STAB2: variants seen among roughly 807,000 people sequenced by gnomAD.
STAB2 encodes the protein stabilin-2.
Under a neutral mutation model 338.1 loss-of-function variants are expected in STAB2, and 288 were observed. That is an observed-to-expected ratio of 0.85 (90% CI 0.77 to 0.94). The LOEUF is 0.94. Ranked by LOEUF, STAB2 falls within the 40% of genes least tolerant of loss-of-function variation. The pLI is 0.00. For synonymous variants in STAB2, 1,202 were observed against 1,193.3 expected, an observed-to-expected ratio of 1.01 and a Z score of -0.15; for missense variants, 3,141 against 3,210.1, an observed-to-expected ratio of 0.98 and a Z score of 0.52.
At chr12:103,674,931 T>C (rs1249832179) in intron 23 of STAB2, among the ~76,000 whole-genome samples, 1 of 152,202 alleles carries the variant, frequency 6.6e-6, no homozygotes, top group Admixed American at 6.5e-5. Flanking sequence ...TCTATATCGG[T>C]GCATAAGGCA....
chr12:103,673,203 T>A (rs1459077486), intron 22 of STAB2, among the ~76,000 whole-genome samples: 1 of 152,192 alleles, frequency 6.6e-6, no homozygotes, highest in East Asian at 1.9e-4. Flanking sequence ...AATATCTTCA[T>A]GAAAGGTGAG....
At chr12:103,606,520 T>A (rs1957029900) in intron 3 of STAB2, among the ~76,000 whole-genome samples, 1 of 152,212 alleles carries the variant, frequency 6.6e-6, no homozygotes, top group Non-Finnish European at 1.5e-5. Flanking sequence ...ACACTTCTTG[T>A]AGTGCAGGAT....
chr12:103,664,034 A>C (rs1874854574), intron 18 of STAB2, among the ~76,000 whole-genome samples: 1 of 152,154 alleles, frequency 6.6e-6, no homozygotes. Flanking sequence ...CTTTTCAAAA[A>C]ACCAAACTTT....
At chr12:103,679,144 G>A (rs1049760610) in intron 25 of STAB2, among the ~76,000 whole-genome samples, 1 of 152,100 alleles carries the variant, frequency 6.6e-6, no homozygotes, top group African/African-American at 2.4e-5. Context: ...GGGAGGCCAA[G>A]GCAGGAGGAT....
chr12:103,645,348 T>C (rs953489497), intron 9 of STAB2, among the ~76,000 whole-genome samples: 2 of 152,254 alleles, frequency 1.3e-5, no homozygotes, highest in Non-Finnish European at 2.9e-5. Flanking sequence ...AAAATAGTGA[T>C]GTCTCATGCA....
chr12:103,755,465 A>C lies in STAB2; in HGVS notation c.6878A>C (p.Lys2293Thr). 3 of 1,613,816 alleles carry C rather than the reference A, an allele frequency of 1.9e-6. No individual in the cohort carries two copies. Among genetic ancestry groups the C allele is most frequent in the Non-Finnish European group, 2.5e-6 (3 of 1,179,832 alleles). The change falls in exon 62 of 69, where the codon AAA becomes ACA. Residue 2293 changes from lysine (K) to threonine (T), a missense_variant and splice_region_variant. Physicochemically the swap from Lys to Thr is moderately conservative, Grantham distance 78. Transcript: ENST00000388887. The stretch of plus-strand genomic sequence containing the variant: ...TGGGATGTCTTCTGCTATCGGATGA[A>C]AGGTAACCGCCCCAGCTACACTTCA... The part of the protein sequence containing the change: ...EMWDVFCYRM[K>T]DVNCTCKVGY...
In STAB2 at chr12:103,739,411, G is replaced by A. The variant is rs1371410371; in HGVS notation, c.5698-1G>A. 1 of 1,586,318 alleles carries A rather than the reference G, an allele frequency of 6.3e-7. No individual in the cohort carries two copies. Among genetic ancestry groups the A allele is most frequent in the East Asian group, 2.3e-5 (1 of 43,312 alleles). On this transcript the variant is annotated splice_acceptor_variant, in intron 53 of 68. Transcript: ENST00000388887. LOFTEE classifies it high-confidence loss of function. The stretch of plus-strand genomic sequence containing the variant: ...CAAGTGTTTCTTTTCTTGCATACTA[G>A]GGGGAGTGTGGGAGCTGTGTCAATA...
At chr12:103,660,024 A>G (rs937461027) in intron 15 of STAB2, among the ~76,000 whole-genome samples, 7 of 152,162 alleles carry the variant, frequency 4.6e-5, no homozygotes, top group Admixed American at 1.3e-4. Context: ...TAGTTTTTTG[A>G]CCTTGGACAT....
intron 61 of STAB2, among the ~76,000 whole-genome samples, chr12:103,754,071 T>C (rs1435066178): frequency 3.3e-5 from 5 of 152,156 alleles, no homozygotes; most frequent in Non-Finnish European, 7.3e-5. Context: ...AGGAGATGAA[T>C]GCCTAGTACG....
intron 60 of STAB2, among the ~76,000 whole-genome samples, chr12:103,752,102 C>T (rs1384375727): frequency 1.3e-5 from 2 of 152,118 alleles, no homozygotes; most frequent in African/African-American, 4.8e-5. Context: ...TTCCAGGACC[C>T]CATCCTACAG....
chr12:103,690,088 G>T, intron 29 of STAB2, 106 bp downstream of exon 29: 1 of 1,464,900 alleles, frequency 6.8e-7, no homozygotes, highest in East Asian at 2.3e-5. Flanking sequence ...AATTCGTGGA[G>T]CTGAACATGT....
intron 3 of STAB2, among the ~76,000 whole-genome samples, chr12:103,619,756 GC>G (rs972877806): frequency 4.3e-5 from 5 of 115,602 alleles, no homozygotes; most frequent in African/African-American, 1.1e-4. Context: ...AACGCCCCCC[GC>G]CCCCGCCACC....
chr12:103,758,707 A>C (rs143911941), intron 64 of STAB2, among the ~76,000 whole-genome samples: 2,366 of 152,336 alleles, frequency 0.016, 21 homozygotes, highest in Non-Finnish European at 0.025. Context: ...GGGTGCAGGG[A>C]GTGGGGAAGA....
chr12:103,707,574 A>C (rs1419752308), intron 38 of STAB2, among the ~76,000 whole-genome samples: 1 of 152,198 alleles, frequency 6.6e-6, no homozygotes, highest in Non-Finnish European at 1.5e-5. Flanking sequence ...CACATGCTTT[A>C]AGTAGTTTTT....
Position 103,685,139 on chromosome 12 carries a change from T to A in STAB2, c.2997+55T>A, listed in dbSNP as rs943186218. 4 of 1,512,386 alleles carry A rather than the reference T, an allele frequency of 2.6e-6. No homozygotes were observed. The Admixed American group carries it at 6.8e-5, about 26-fold the overall frequency. The allele number at this position is 1,512,386 out of a possible 1,614,324, so 93.7% of individuals were successfully genotyped here. On this transcript the variant is annotated intron_variant, in intron 27 of 68. Transcript: ENST00000388887. ...TAGACAAAACCCTTTAAAAACCTCT[T>A]AGCTAAGATGCCTTTAAAGTGATCT...
intron 2 of STAB2, among the ~76,000 whole-genome samples, chr12:103,593,331 GC>G (rs1956827976): frequency 6.6e-6 from 1 of 152,054 alleles, no homozygotes; most frequent in Non-Finnish European, 1.5e-5. Context: ...AATACTTGTT[GC>G]CTTTTGTTTC....
Position 103,755,783 on chromosome 12 carries a change from G to A in STAB2, c.6987+65G>A, listed in dbSNP as rs551502032. On this transcript the variant is annotated intron_variant, in intron 63 of 68. Coordinates refer to ENST00000388887, the MANE Select transcript of STAB2 (RefSeq NM_017564.10). ...GGGTTGCCTCAAAGCAGGTATTAGAGGGGTGAGGCCTTAAGCTGAAGGCCA... is the reference window on the plus strand; with the variant it reads ...GGGTTGCCTCAAAGCAGGTATTAGAAGGGTGAGGCCTTAAGCTGAAGGCCA... 2,950 of 1,502,658 alleles carry A rather than the reference G, an allele frequency of 2.0e-3. 7 individuals are homozygous for A. The highest frequency in any genetic ancestry group is 2.5e-3 in the Non-Finnish European group (2,730 of 1,081,844). 93.1% of individuals were successfully genotyped at this position (1,502,658 alleles called of 1,614,324 possible).
intron 3 of STAB2, among the ~76,000 whole-genome samples, chr12:103,595,018 A>G (rs1031710918): frequency 2.0e-5 from 3 of 151,262 alleles, no homozygotes; most frequent in South Asian, 2.1e-4. Context: ...AGATGCAAAT[A>G]CACATATACA....
chr12:103,614,191 C>T (rs1285819530), intron 3 of STAB2, among the ~76,000 whole-genome samples: 1 of 152,084 alleles, frequency 6.6e-6, no homozygotes, highest in African/African-American at 2.4e-5. Context: ...TTGTTGGGTG[C>T]TTCTTATTCT....
Sources: allele counts gnomAD v4.1 joint callset (sites outside exome capture counted in the v4.1 genomes callset), GRCh38; gene constraint gnomAD v4.1.1; transcripts MANE v1.5; gene names NCBI Gene and HGNC (gene_info 2026-07-23, HGNC 2026-07-21).